Variants in IGF2R observed in about 807,000 individuals in gnomAD.
The protein encoded by IGF2R is cation-independent mannose-6-phosphate receptor.
Under a neutral mutation model 270.6 loss-of-function variants are expected in IGF2R, and 91 were observed. The observed-to-expected ratio is 0.34, with a 90% CI of 0.28 to 0.40. The LOEUF (loss-of-function observed/expected upper bound fraction) is 0.40, where lower values mean the gene tolerates loss of function less well. Among genes scored for constraint, IGF2R ranks in the 10% least tolerant of loss-of-function variants. The pLI, the probability that IGF2R is intolerant of heterozygous loss-of-function variation, is 1.00. For missense variants in IGF2R, 2,805 were observed against 3,188.3 expected (o/e 0.88, Z 2.90); for synonymous variants, 1,316 against 1,258.9 (o/e 1.05, Z -0.96).
chr6:160,059,082 G>A lies in IGF2R; in HGVS notation c.3075G>A (p.Gly1025=), dbSNP rs138238497. 137 of 1,613,958 alleles carry A rather than the reference G, an allele frequency of 8.5e-5. 1 individual carries two copies. Among genetic ancestry groups the A allele is most frequent in the Non-Finnish European group, 1.1e-4 (134 of 1,179,970 alleles). The change falls in exon 22 of 48, where the codon GGG becomes GGA. Residue 1025 remains glycine (G), a synonymous_variant. Transcript: ENST00000356956. ...TEGFITLTYK[G]PLSAKGTADA... ...GCTTCATCACTCTGACCTACAAAGGGCCTCTCTCTGCCAAAGGTGAGCTCA... is the reference window on the plus strand; with the variant it reads ...GCTTCATCACTCTGACCTACAAAGGACCTCTCTCTGCCAAAGGTGAGCTCA...
At chr6:160,099,749 T>C (rs1016069214) in intron 45 of IGF2R, among the ~76,000 whole-genome samples, 3 of 152,132 alleles carry the variant, frequency 2.0e-5, no homozygotes, top group African/African-American at 7.2e-5. Flanking sequence ...AAGGTTGCAG[T>C]TTGAAGGAAA....
At position 160,098,305 on chromosome 6, in the gene IGF2R, G is replaced by A. The variant is rs572923935; in HGVS notation, c.6842+1680G>A. Among the ~76,000 whole-genome samples, 521 of 152,168 alleles carry A rather than the reference G, an allele frequency of 3.4e-3. 5 individuals are homozygous for A. Among genetic ancestry groups the A allele is most frequent in the African/African-American group, 0.012 (504 of 41,530 alleles). ...AGAGGAAGATTCTCCAGGAAACCTC[G>A]GTTTCATGATGTTCAGAACATCAGG... On this transcript the variant is annotated intron_variant, in intron 45 of 47. Transcript: ENST00000356956.
intron 19 of IGF2R, among the ~76,000 whole-genome samples, chr6:160,051,767 T>G (rs1039808225): frequency 2.0e-5 from 3 of 152,102 alleles, no homozygotes; most frequent in African/African-American, 7.2e-5. Flanking sequence ...GTGACCAGCC[T>G]AGGCAACATA....
In IGF2R at chr6:160,079,680, G is replaced by C; in HGVS notation, c.5579G>C (p.Gly1860Ala). The C allele has an allele frequency of 1.7e-5, 26 of 1,553,486 alleles. No homozygotes were observed. Among genetic ancestry groups the C allele is most frequent in the Non-Finnish European group, 2.3e-5 (26 of 1,151,926 alleles). ...GACGGAGGAGTCTGTCTGCTCTCAG[G>C]CACCAAGGGGGCATCCTTTGGACGG... ...CKDGGVCLLS[G>A]TKGASFGRLQ... The change falls in exon 38 of 48, where the codon GGC (glycine) becomes GCC (alanine). Residue 1860 changes from glycine (G) to alanine (A), a missense_variant. Gly to Ala is a moderately conservative substitution (Grantham distance 60). Around this residue, in one of 2 missense-constraint regions of IGF2R, gnomAD observed 1,851 missense variants for 2,207.2 expected, o/e 0.84. Transcript: ENST00000356956.
intron 47 of IGF2R, 46 bp downstream of exon 47, chr6:160,103,861 C>A (rs1444391648): frequency 1.6e-6 from 2 of 1,286,196 alleles, no homozygotes; most frequent in African/African-American, 2.9e-5. Context: ...TCCCCGGCCC[C>A]CTGTGCTGCG....
At chr6:159,969,886 G>C (rs76232680) in intron 1 of IGF2R, among the ~76,000 whole-genome samples, 3,299 of 152,296 alleles carry the variant, frequency 0.022, 116 homozygotes, top group African/African-American at 0.076. Context: ...TTGAGTGTTT[G>C]TGGTTTCATT....
intron 19 of IGF2R, among the ~76,000 whole-genome samples, chr6:160,054,468 G>T (rs73596488): frequency 0.01 from 1,573 of 152,292 alleles, 21 homozygotes; most frequent in African/African-American, 0.035. Flanking sequence ...CTGGTCGATT[G>T]TTGTGTTGTC....
intron 44 of IGF2R, among the ~76,000 whole-genome samples, chr6:160,090,700 C>T (rs1302837012): frequency 6.6e-6 from 1 of 152,150 alleles, no homozygotes; most frequent in African/African-American, 2.4e-5. Context: ...GATTTTTGAA[C>T]CGTGTGTGGA....
At chr6:160,076,466 T>G (rs537725779) in intron 36 of IGF2R, among the ~76,000 whole-genome samples, 1 of 152,360 alleles carries the variant, frequency 6.6e-6, no homozygotes, top group African/African-American at 2.4e-5. Context: ...ACTTCCATTT[T>G]ATGTGCATTA....
At chr6:160,063,747 A>C in intron 27 of IGF2R, 117 bp downstream of exon 27, 1 of 717,838 alleles carries the variant, frequency 1.4e-6, no homozygotes, top group East Asian at 2.7e-5. Context: ...ACTGTAAAAA[A>C]AAAAAAAAGC....
chr6:160,099,558 G>A (rs376168137), intron 45 of IGF2R, among the ~76,000 whole-genome samples: 19 of 151,986 alleles, frequency 1.3e-4, no homozygotes, highest in African/African-American at 3.6e-4. Context: ...TAGTAGAGAC[G>A]GGGTTTCACC....
At chr6:160,046,112 G>C (rs1778063887) in intron 14 of IGF2R, among the ~76,000 whole-genome samples, 2 of 152,192 alleles carry the variant, frequency 1.3e-5, no homozygotes, top group South Asian at 2.1e-4. Flanking sequence ...CGGAACACAA[G>C]GGAATAAATT....
chr6:160,047,990 T>G, intron 17 of IGF2R, 83 bp downstream of exon 17: 1 of 912,950 alleles, frequency 1.1e-6, no homozygotes, highest in Non-Finnish European at 1.8e-6. Flanking sequence ...GTGACTGAGC[T>G]GATGATGGGG....
At chr6:160,042,996 T>C (rs1331129959) in intron 11 of IGF2R, 152 bp from the exon 12 acceptor site, 6 of 716,868 alleles carry the variant, frequency 8.4e-6, no homozygotes, top group Non-Finnish European at 1.3e-5. Flanking sequence ...GTGCTTTCAG[T>C]CTGCCCGGGT....
At chr6:160,048,926 A>G (rs1447110702) in intron 18 of IGF2R, among the ~76,000 whole-genome samples, 2 of 152,090 alleles carry the variant, frequency 1.3e-5, no homozygotes, top group Non-Finnish European at 1.5e-5. Flanking sequence ...GATTTGGGAG[A>G]GTTGCTGTGG....
intron 37 of IGF2R, among the ~76,000 whole-genome samples, chr6:160,079,263 T>G (rs1778922235): frequency 6.6e-6 from 1 of 151,990 alleles, no homozygotes; most frequent in Non-Finnish European, 1.5e-5. Flanking sequence ...GTGAGGGAGG[T>G]GGGGTGACCC....
rs1356722056 is a variant in IGF2R, at chr6:160,089,943, G to A, written c.6495G>A (p.Arg2165=). 5.0e-6 allele frequency: 8 copies of A among 1,597,378 alleles called. No homozygotes were observed. The highest frequency in any genetic ancestry group is 6.8e-6 in the Non-Finnish European group (8 of 1,172,456). The change falls in exon 44 of 48, where the codon AGG becomes AGA. Residue 2165 remains arginine, a synonymous_variant. Transcript: ENST00000356956. ...TGTTCAGAGCCTCTGGGGACATGAGGACCAATGGGGACAACTACCTGTATG... is the reference window on the plus strand; with the variant it reads ...TGTTCAGAGCCTCTGGGGACATGAGAACCAATGGGGACAACTACCTGTATG... ...FKLFRASGDM[R]TNGDNYLYEI... is the part of the protein sequence containing the mutation.
At position 160,109,243 on chromosome 6, in the gene IGF2R, C is replaced by G. The variant is rs1357559059; in HGVS notation, c.*4159C>G. 6.6e-6 allele frequency: 1 copy of G among 152,154 alleles called. No homozygotes were observed. The highest frequency in any genetic ancestry group is 1.5e-5 in the Non-Finnish European group (1 of 68,054). 9.4% of individuals were successfully genotyped at this position (152,154 alleles called of 1,614,324 possible). A position where few individuals can be genotyped will look rare whatever the true frequency, so the allele number is the denominator to read the frequency against. On this transcript the variant is annotated 3_prime_UTR_variant, in exon 48 of 48. Coordinates refer to ENST00000356956, the MANE Select transcript of IGF2R (RefSeq NM_000876.4). ...GTCATCTGGTGCCACTCAGCCCCAT[C>G]CCAGAGAAAGCAGCCTTGGGATGCT...
chr6:160,003,496 T>G (rs1456557295), intron 2 of IGF2R: 1 of 152,242 alleles, frequency 6.6e-6, no homozygotes, highest in Non-Finnish European at 1.5e-5. Flanking sequence ...GTAGCATTGT[T>G]TATTGTGGCA....
Sources: allele counts gnomAD v4.1 joint callset (sites outside exome capture counted in the v4.1 genomes callset), GRCh38; gene constraint gnomAD v4.1.1; regional missense constraint gnomAD v4.1.1; transcripts MANE v1.5; gene names NCBI Gene and HGNC (gene_info 2026-07-23, HGNC 2026-07-21).